Variants in HVCN1 observed in about 807,000 individuals in gnomAD.
HVCN1 encodes the protein hydrogen voltage gated channel 1, also known as voltage-gated hydrogen channel 1.
A neutral mutation model predicts 29.2 loss-of-function variants in HVCN1; 14 were observed. The ratio of observed to expected loss-of-function variants is 0.48; its 90% CI spans 0.32 to 0.75. The LOEUF is 0.75. HVCN1 is among the 30% of genes least tolerant of loss of function. The pLI, the probability that HVCN1 is intolerant of heterozygous loss-of-function variation, is 0.04. For synonymous variants in HVCN1, 131 were observed against 133.2 expected, an observed-to-expected ratio of 0.98 and a Z score of 0.11; for missense variants, 263 against 341.8, an observed-to-expected ratio of 0.77 and a Z score of 1.82.
intron 2 of HVCN1, among the ~76,000 whole-genome samples, chr12:110,696,972 A>C (rs1362032066): frequency 6.6e-6 from 1 of 151,986 alleles, no homozygotes; most frequent in Non-Finnish European, 1.5e-5. Context: ...GGAAGGAAAA[A>C]GGGGCATGAT....
chr12:110,698,527 C>T lies in HVCN1; in HGVS notation c.-104+3782G>A, dbSNP rs527586136. Reference sequence around the variant, plus strand: ...AGCCGCTGCAGCACTGGAGCAGAGCCGAGGTGGGAGGACTCCTGGCTTCTC... The same window carrying T: ...AGCCGCTGCAGCACTGGAGCAGAGCTGAGGTGGGAGGACTCCTGGCTTCTC... On this transcript the variant is annotated intron_variant, in intron 2 of 4. Transcript: ENST00000546713. Among the ~76,000 whole-genome samples, 5 of 152,302 alleles carry T rather than the reference C, an allele frequency of 3.3e-5. 1 individual carries two copies. Among genetic ancestry groups the T allele is most frequent in the African/African-American group, 9.6e-5 (4 of 41,570 alleles).
At chr12:110,684,436 C>T (rs1159597037) in intron 2 of HVCN1, among the ~76,000 whole-genome samples, 5 of 152,162 alleles carry the variant, frequency 3.3e-5, no homozygotes, top group African/African-American at 1.2e-4. Flanking sequence ...ACACCCACCA[C>T]CAGCTATATC....
chr12:110,693,961 A>T (rs563469120), upstream of HVCN1, among the ~76,000 whole-genome samples: 71 of 152,308 alleles, frequency 4.7e-4, no homozygotes, highest in Middle Eastern at 3.4e-3. Flanking sequence ...CTCTTACACA[A>T]GGCAGTCCTT....
intron 3 of HVCN1, among the ~76,000 whole-genome samples, chr12:110,679,327 A>T (rs2068861495): frequency 6.6e-6 from 1 of 152,192 alleles, no homozygotes; most frequent in Non-Finnish European, 1.5e-5. Flanking sequence ...GGATTTCCAC[A>T]CACACCTGGC....
At chr12:110,655,364 GATC>G (rs2067954370) in intron 4 of HVCN1, 26 bp from the exon 5 acceptor site, 3 of 1,561,294 alleles carry the variant, frequency 1.9e-6, no homozygotes, top group Non-Finnish European at 2.6e-6. Flanking sequence ...AGGTGCCAGA[GATC>G]ATGAGACCCC....
At chr12:110,700,521 CCTGA>C (rs1192720315) in intron 2 of HVCN1, among the ~76,000 whole-genome samples, 8 of 152,062 alleles carry the variant, frequency 5.3e-5, no homozygotes, top group East Asian at 1.9e-4. Context: ...TGGGCCACTG[CCTGA>C]CTATCTCCAG....
chr12:110,669,822 G>C (rs531997051), intron 3 of HVCN1, among the ~76,000 whole-genome samples: 1 of 152,146 alleles, frequency 6.6e-6, no homozygotes, highest in Non-Finnish European at 1.5e-5. Flanking sequence ...TTGGGAGGCC[G>C]AGACGGGCAG....
Position 110,661,525 on chromosome 12 carries a change from C to CCACT in HVCN1, c.22-81_22-78dup. ...CCCACATGGCCCAGGCCGGGCCAGG[C>CCACT]CACTGCAGGTGAAGATGGTCCCGGG... On this transcript the variant is annotated intron_variant, in intron 3 of 7. Coordinates refer to ENST00000242607, the MANE Select transcript of HVCN1 (RefSeq NM_032369.4). The surrounding 1 kb of genome is among the most constrained non-coding windows in gnomAD (Gnocchi z 6.2). 2 of 1,425,938 alleles carry CCACT rather than the reference C, an allele frequency of 1.4e-6. No individual in the cohort carries two copies. The highest frequency in any genetic ancestry group is 1.9e-6 in the Non-Finnish European group (2 of 1,036,264). The allele number at this position is 1,425,938 out of a possible 1,614,324, so 88.3% of individuals were successfully genotyped here. A position where few individuals can be genotyped will look rare whatever the true frequency, so the allele number is the denominator to read the frequency against.
chr12:110,697,348 CAGAA>C (rs2069508588), intron 2 of HVCN1, among the ~76,000 whole-genome samples: 1 of 151,840 alleles, frequency 6.6e-6, no homozygotes, highest in Non-Finnish European at 1.5e-5. Flanking sequence ...GCAAAGGAGA[CAGAA>C]AGAGTAGCCA....
chr12:110,675,237 T>A (rs192929031), intron 3 of HVCN1, among the ~76,000 whole-genome samples: 3 of 152,294 alleles, frequency 2.0e-5, no homozygotes, highest in Non-Finnish European at 4.4e-5. Flanking sequence ...GGCTGGTGGA[T>A]CACCTGAGGT....
chr12:110,686,677 A>G (rs1947395913), intron 2 of HVCN1, among the ~76,000 whole-genome samples: 1 of 152,228 alleles, frequency 6.6e-6, no homozygotes, highest in African/African-American at 2.4e-5. Context: ...GCCCTTCTCC[A>G]TTAAACTAGC....
chr12:110,667,538 T>A (rs1176438267), intron 3 of HVCN1, among the ~76,000 whole-genome samples: 1 of 152,170 alleles, frequency 6.6e-6, no homozygotes, highest in African/African-American at 2.4e-5. Flanking sequence ...CAAGCGATCC[T>A]CCCACAAAAG....
At chr12:110,695,093 C>T (rs974629772) in intron 2 of HVCN1, among the ~76,000 whole-genome samples, 7 of 152,170 alleles carry the variant, frequency 4.6e-5, no homozygotes, top group East Asian at 3.9e-4. Context: ...AAATACTAAA[C>T]GACAAATTAC....
At chr12:110,684,437 C>A (rs1382589826) in intron 2 of HVCN1, among the ~76,000 whole-genome samples, 2 of 152,146 alleles carry the variant, frequency 1.3e-5, no homozygotes, top group Non-Finnish European at 2.9e-5. Context: ...CACCCACCAC[C>A]AGCTATATCA....
At chr12:110,673,179 G>C (rs1289003211) in intron 3 of HVCN1, among the ~76,000 whole-genome samples, 1 of 152,152 alleles carries the variant, frequency 6.6e-6, no homozygotes, top group Admixed American at 6.5e-5. Flanking sequence ...AGGCTGAGGT[G>C]GTCTCAGATG....
intron 2 of HVCN1, among the ~76,000 whole-genome samples, chr12:110,683,737 C>A (rs1325164713): frequency 3.9e-5 from 6 of 151,920 alleles, no homozygotes; most frequent in Non-Finnish European, 8.8e-5. Flanking sequence ...ATGGTGAAAA[C>A]CCGTCTCTAC....
At chr12:110,690,276 T>G (rs2069374119), upstream of HVCN1, among the ~76,000 whole-genome samples, 1 of 152,180 alleles carries the variant, frequency 6.6e-6, no homozygotes, top group Non-Finnish European at 1.5e-5. Flanking sequence ...ACCTGGATAA[T>G]CCAGGCTAAT....
chr12:110,687,043 C>T (rs2069209959), intron 2 of HVCN1, among the ~76,000 whole-genome samples: 1 of 152,142 alleles, frequency 6.6e-6, no homozygotes, highest in Non-Finnish European at 1.5e-5. Context: ...AGAAAAAATG[C>T]TGTCAAGCAG....
chr12:110,700,859 G>A (rs1417994953), intron 2 of HVCN1, among the ~76,000 whole-genome samples: 2 of 152,122 alleles, frequency 1.3e-5, no homozygotes, highest in Non-Finnish European at 2.9e-5. Flanking sequence ...TGGTACCATC[G>A]ACTGTCCGAT....
Sources: gnomAD v4.1 joint callset for allele counts (sites outside exome capture counted in the v4.1 genomes callset) on GRCh38, gnomAD v4.1.1 for gene constraint, Gnocchi (gnomAD v3.1) non-coding constraint, MANE v1.5 for transcripts, NCBI Gene and HGNC (gene_info 2026-07-23, HGNC 2026-07-21) for gene names.